Variants in ZFHX3 observed in about 807,000 individuals in gnomAD.
ZFHX3 encodes the protein zinc finger homeobox 3.
A neutral mutation model predicts 279.1 loss-of-function variants in ZFHX3; 42 were observed. The observed-to-expected ratio is 0.15, with a 90% CI of 0.12 to 0.19. ZFHX3 has a LOEUF of 0.19. Ranked by LOEUF, ZFHX3 falls within the 10% of genes least tolerant of loss-of-function variation. The probability of loss-of-function intolerance (pLI) is 1.00; values close to 1 mark genes in which losing one functional copy is unlikely to be tolerated. For synonymous variants in ZFHX3, 2,293 were observed against 1,957.8 expected, an observed-to-expected ratio of 1.17 and a Z score of -4.52; for missense variants, 4,981 against 4,754.0, an observed-to-expected ratio of 1.05 and a Z score of -1.40.
At chr16:72,896,115 G>T (rs2038893304) in intron 3 of ZFHX3, among the ~76,000 whole-genome samples, 1 of 152,194 alleles carries the variant, frequency 6.6e-6, no homozygotes, top group African/African-American at 2.4e-5. Context: ...CAAATGCTGT[G>T]CAGCGGATAA....
intron 1 of ZFHX3, among the ~76,000 whole-genome samples, chr16:73,884,788 T>C (rs1261301328): frequency 1.3e-5 from 2 of 152,234 alleles, no homozygotes; most frequent in African/African-American, 2.4e-5. Flanking sequence ...GAATAGTTTT[T>C]GAATTAAATA....
intron 6 of ZFHX3, among the ~76,000 whole-genome samples, chr16:73,140,613 T>C (rs919329059): frequency 4.6e-5 from 7 of 152,172 alleles, no homozygotes; most frequent in Non-Finnish European, 8.8e-5. Context: ...CCCAGCACTT[T>C]GGGAGGCCGA....
intron 3 of ZFHX3, among the ~76,000 whole-genome samples, chr16:73,365,765 C>G (rs1315305960): frequency 6.6e-6 from 1 of 152,190 alleles, no homozygotes; most frequent in Non-Finnish European, 1.5e-5. Flanking sequence ...CACATTCTTC[C>G]CCTCCTGATC....
At chr16:72,804,300 T>C (rs914771676) in intron 7 of ZFHX3, among the ~76,000 whole-genome samples, 2 of 152,238 alleles carry the variant, frequency 1.3e-5, no homozygotes, top group Admixed American at 6.5e-5. Context: ...ATGTGCTGCA[T>C]GCTTCTGAGA....
Position 73,346,586 on chromosome 16 carries a change from C to A in ZFHX3, c.-1290-28250G>T, listed in dbSNP as rs28661413. Among the ~76,000 whole-genome samples, 1,435 of 152,326 alleles carry A rather than the reference C, an allele frequency of 9.4e-3. 31 individuals are homozygous for A. Among genetic ancestry groups the A allele is most frequent in the African/African-American group, 0.033 (1,353 of 41,574 alleles). ...TCCCCGGTTCAAGCGATTCTTATGC[C>A]TCAGCCACTGGAGTAGCTGGGACTA... On this transcript the variant is annotated intron_variant, in intron 3 of 17. Coordinates refer to the ZFHX3 transcript ENST00000641206.
chr16:73,695,936 G>A (rs1346706677), intron 1 of ZFHX3, among the ~76,000 whole-genome samples: 1 of 152,210 alleles, frequency 6.6e-6, no homozygotes, highest in Non-Finnish European at 1.5e-5. Context: ...CAAAGGAGAG[G>A]GGGTAAGGGA....
chr16:73,766,948 TTTTC>T (rs981870747), intron 1 of ZFHX3, among the ~76,000 whole-genome samples: 17 of 134,304 alleles, frequency 1.3e-4, no homozygotes, highest in African/African-American at 4.8e-4. Flanking sequence ...TTTTTTTTTT[TTTTC>T]CGAGATGGAG....
intron 5 of ZFHX3, among the ~76,000 whole-genome samples, chr16:73,243,247 C>T (rs2013179760): frequency 6.6e-6 from 1 of 152,226 alleles, no homozygotes; most frequent in South Asian, 2.1e-4. Flanking sequence ...CACTTCATCA[C>T]ATAAGAGATA....
intron 4 of ZFHX3, among the ~76,000 whole-genome samples, chr16:72,853,887 G>A (rs2037680903): frequency 6.6e-6 from 1 of 151,930 alleles, no homozygotes; most frequent in South Asian, 2.1e-4. Context: ...ATAAAGTGTA[G>A]CTGCTGTCAA....
chr16:72,868,110 G>A (rs139121399), intron 4 of ZFHX3, among the ~76,000 whole-genome samples: 13 of 152,324 alleles, frequency 8.5e-5, no homozygotes, highest in African/African-American at 2.6e-4. Context: ...AAACGAGGCT[G>A]TCCAATCTTT....
intron 4 of ZFHX3, among the ~76,000 whole-genome samples, chr16:72,878,710 G>C (rs2038383258): frequency 6.6e-6 from 1 of 152,208 alleles, no homozygotes; most frequent in Admixed American, 6.5e-5. Flanking sequence ...TCCCGTGGAT[G>C]AGTTTGTCAG....
chr16:73,604,531 G>A lies in ZFHX3; in HGVS notation c.-1547+75649C>T, dbSNP rs374094949. Among the ~76,000 whole-genome samples, 22 of 152,160 alleles carry A rather than the reference G, an allele frequency of 1.4e-4. No homozygotes were observed. The East Asian group carries it at 3.9e-3, about 27-fold the overall frequency. On this transcript the variant is annotated intron_variant, in intron 2 of 17. Coordinates refer to the ZFHX3 transcript ENST00000641206. ...GAGGTTGAGGTGGGCAGATCATGAG[G>A]TCAGGAGTTCAATACCAGCCTGGCC...
intron 3 of ZFHX3, among the ~76,000 whole-genome samples, chr16:73,454,464 C>G (rs1226778112): frequency 1.3e-5 from 2 of 151,236 alleles, no homozygotes; most frequent in African/African-American, 4.9e-5. Context: ...TTCCCTAAGA[C>G]AGTAATGGGA....
intron 5 of ZFHX3, among the ~76,000 whole-genome samples, chr16:73,156,435 A>G (rs1434965425): frequency 1.3e-5 from 2 of 152,156 alleles, no homozygotes; most frequent in Admixed American, 6.5e-5. Context: ...ACTGAAATGG[A>G]TCTTCAGAGA....
intron 1 of ZFHX3, among the ~76,000 whole-genome samples, chr16:73,883,473 TCACA>T (rs940801054): frequency 2.0e-5 from 3 of 151,442 alleles, no homozygotes; most frequent in Non-Finnish European, 4.4e-5. Flanking sequence ...ATACATACAA[TCACA>T]CACACGCACA....
At chr16:73,186,421 T>C (rs957719208) in intron 5 of ZFHX3, among the ~76,000 whole-genome samples, 1 of 152,022 alleles carries the variant, frequency 6.6e-6, no homozygotes, top group South Asian at 2.1e-4. Flanking sequence ...ATATGGACAA[T>C]AGCATTTGCC....
At chr16:73,295,945 A>T (rs2014898236) in intron 4 of ZFHX3, among the ~76,000 whole-genome samples, 1 of 152,226 alleles carries the variant, frequency 6.6e-6, no homozygotes, top group South Asian at 2.1e-4. Context: ...CCCCAGTTCC[A>T]ATGGCACCAG....
chr16:73,014,083 A>G (rs544183334), intron 1 of ZFHX3, among the ~76,000 whole-genome samples: 3 of 152,260 alleles, frequency 2.0e-5, no homozygotes, highest in Admixed American at 1.3e-4. Flanking sequence ...CAGGCAGAAG[A>G]AGGAGATGTA....
intron 2 of ZFHX3, among the ~76,000 whole-genome samples, chr16:73,478,443 AAAT>A: frequency 6.6e-6 from 1 of 152,098 alleles, no homozygotes; most frequent in East Asian, 1.9e-4. Flanking sequence ...ACTTTGTTAA[AAAT>A]AATAAAGGTA....
Sources: allele counts gnomAD v4.1 joint callset (sites outside exome capture counted in the v4.1 genomes callset), GRCh38; gene constraint gnomAD v4.1.1; transcripts MANE v1.5; gene names NCBI Gene and HGNC (gene_info 2026-07-23, HGNC 2026-07-21).